DPP6: variants seen among roughly 807,000 people sequenced by gnomAD.
DPP6 encodes the protein dipeptidyl peptidase like 6.
A neutral mutation model predicts 122.6 loss-of-function variants in DPP6; 69 were observed. That is an observed-to-expected ratio of 0.56 (90% confidence interval 0.46 to 0.69). The LOEUF (loss-of-function observed/expected upper bound fraction) is 0.69. Ranked by LOEUF, DPP6 falls within the 30% of genes least tolerant of loss-of-function variation. The probability of loss-of-function intolerance (pLI) is 0.00; values close to 1 mark genes in which losing one functional copy is unlikely to be tolerated. For synonymous variants in DPP6, 418 were observed against 433.1 expected, an observed-to-expected ratio of 0.97 and a Z score of 0.43; for missense variants, 928 against 1,116.9, an observed-to-expected ratio of 0.83 and a Z score of 2.41.
chr7:153,826,725 G>A, the DPP6 span, among the ~76,000 whole-genome samples: 1 of 151,978 alleles, frequency 6.6e-6, no homozygotes, highest in Non-Finnish European at 1.5e-5. Context: ...CATCAATATG[G>A]CTTCCATATG....
intron 2 of DPP6, among the ~76,000 whole-genome samples, chr7:154,450,008 CTAAAT>C (rs1189330368): frequency 7.2e-6 from 1 of 138,246 alleles, no homozygotes. Context: ...GACTCCATCT[CTAAAT>C]AAATAAATAA....
At chr7:154,522,987 C>G (rs965234204) in intron 3 of DPP6, among the ~76,000 whole-genome samples, 1 of 152,184 alleles carries the variant, frequency 6.6e-6, no homozygotes, top group Non-Finnish European at 1.5e-5. Flanking sequence ...GCGGGGATCG[C>G]CTTCCTGATC....
intron 1 of DPP6, among the ~76,000 whole-genome samples, chr7:153,955,138 T>C (rs1036135377): frequency 1.3e-5 from 2 of 152,158 alleles, no homozygotes; most frequent in Admixed American, 6.5e-5. Context: ...AATGTTGTTA[T>C]AGATAAGATG....
intron 19 of DPP6, among the ~76,000 whole-genome samples, chr7:154,873,060 C>G (rs940676969): frequency 1.3e-5 from 2 of 152,252 alleles, no homozygotes; most frequent in South Asian, 4.1e-4. Flanking sequence ...GACCCGCACC[C>G]TGAGCCCGTG....
chr7:153,938,678 C>T (rs1024852202), intron 1 of DPP6, among the ~76,000 whole-genome samples: 10 of 152,206 alleles, frequency 6.6e-5, no homozygotes, highest in African/African-American at 4.8e-5. Flanking sequence ...TTCTCTCACA[C>T]GGCCTCCTCT....
At chr7:153,816,762 G>T in the DPP6 span, among the ~76,000 whole-genome samples, 1 of 151,884 alleles carries the variant, frequency 6.6e-6, no homozygotes, top group Non-Finnish European at 1.5e-5. Flanking sequence ...TACTAGGAAT[G>T]CACTCACTCC....
At chr7:154,286,132 A>C (rs945475176) in intron 1 of DPP6, among the ~76,000 whole-genome samples, 1 of 152,182 alleles carries the variant, frequency 6.6e-6, no homozygotes, top group African/African-American at 2.4e-5. Context: ...CCATTTTCCC[A>C]AACTGTGGAA....
At chr7:154,086,640 A>G (rs972812376) in intron 1 of DPP6, among the ~76,000 whole-genome samples, 290 of 141,472 alleles carry the variant, frequency 2.0e-3, no homozygotes, top group African/African-American at 7.3e-3. Flanking sequence ...TTTTTTTGAG[A>G]TGGAGTCTCG....
At chr7:154,528,313 A>G (rs1044815250) in intron 3 of DPP6, among the ~76,000 whole-genome samples, 1 of 152,220 alleles carries the variant, frequency 6.6e-6, no homozygotes, top group Non-Finnish European at 1.5e-5. Context: ...CCTATGTAAC[A>G]TCTTATTGCT....
chr7:154,769,530 G>A lies in DPP6; in HGVS notation c.997G>A (p.Gly333Ser), dbSNP rs147970849. Residue 333 changes from glycine (G) to serine (S), a missense_variant, in exon 9 of 26, where the codon GGC becomes AGC. Physicochemically the swap from Gly to Ser is moderately conservative, Grantham distance 56. Coordinates refer to ENST00000377770, the MANE Select transcript of DPP6 (RefSeq NM_130797.4). ...CATCATGGAGCTCCCAACTTACACC[G>A]GCTCCATCTACCCCACCGTGAAGCC... The part of the protein sequence containing the change: ...VPIMELPTYT[G>S]SIYPTVKPYH... 111 of 1,612,392 alleles carry A rather than the reference G, an allele frequency of 6.9e-5. No homozygotes were observed. The Middle Eastern group carries it at 1.3e-3, about 19-fold the overall frequency.
intron 5 of DPP6, among the ~76,000 whole-genome samples, chr7:154,580,534 C>G (rs550715322): frequency 6.6e-6 from 1 of 152,158 alleles, no homozygotes; most frequent in East Asian, 1.9e-4. Context: ...GCCGTTAGAG[C>G]CTGAGGGGTC....
chr7:153,826,036 T>C, the DPP6 span, among the ~76,000 whole-genome samples: 1 of 152,200 alleles, frequency 6.6e-6, no homozygotes, highest in Admixed American at 6.5e-5. Context: ...AAAATAGCCC[T>C]GCACAGTCTT....
At chr7:154,366,792 T>C (rs1398799084) in intron 1 of DPP6, among the ~76,000 whole-genome samples, 1 of 152,218 alleles carries the variant, frequency 6.6e-6, no homozygotes, top group Non-Finnish European at 1.5e-5. Context: ...GAAAGGCAGA[T>C]GTGACTTTGT....
intron 4 of DPP6, among the ~76,000 whole-genome samples, chr7:154,553,304 G>C (rs750462287): frequency 4.6e-5 from 7 of 152,300 alleles, no homozygotes; most frequent in Non-Finnish European, 8.8e-5. Context: ...AATAGTCTAT[G>C]TTGTCTGGGG....
At chr7:154,813,566 A>G (rs1218460243) in intron 16 of DPP6, among the ~76,000 whole-genome samples, 2 of 152,186 alleles carry the variant, frequency 1.3e-5, no homozygotes, top group East Asian at 3.9e-4. Context: ...TCTAAAGGAC[A>G]TGGGTTTCAG....
chr7:154,819,686 T>TAAAACA (rs369711811), intron 16 of DPP6, among the ~76,000 whole-genome samples: 2 of 151,848 alleles, frequency 1.3e-5, no homozygotes, highest in African/African-American at 2.4e-5. Flanking sequence ...ATAGAAGAAA[T>TAAAACA]AAAACAAAAA....
At chr7:154,162,811 T>C (rs1032896793) in intron 1 of DPP6, among the ~76,000 whole-genome samples, 1 of 152,140 alleles carries the variant, frequency 6.6e-6, no homozygotes, top group African/African-American at 2.4e-5. Flanking sequence ...ATTGCTGGTG[T>C]TGAGTGGAAC....
intron 1 of DPP6, among the ~76,000 whole-genome samples, chr7:153,948,760 G>T (rs796686548): frequency 4.8e-5 from 7 of 146,748 alleles, no homozygotes; most frequent in African/African-American, 1.8e-4. Context: ...CACCCTCCCC[G>T]AGAACAGTAA....
intron 1 of DPP6, among the ~76,000 whole-genome samples, chr7:154,046,721 T>C (rs1258774527): frequency 3.9e-5 from 6 of 152,210 alleles, no homozygotes; most frequent in African/African-American, 9.6e-5. Flanking sequence ...TCTGCAGTAC[T>C]TGGACCTGGG....
Sources: allele counts gnomAD v4.1 joint callset (sites outside exome capture counted in the v4.1 genomes callset), GRCh38; gene constraint gnomAD v4.1.1; transcripts MANE v1.5; gene names NCBI Gene and HGNC (gene_info 2026-07-23, HGNC 2026-07-21).